ABCG1: variants seen among roughly 807,000 people sequenced by gnomAD.
The protein encoded by ABCG1 is ATP binding cassette subfamily G member 1, also known as ATP-binding cassette sub-family G member 1.
ABCG1 carries 29 observed loss-of-function variants against 69.2 expected under a neutral mutation model. The observed-to-expected ratio is 0.42, with a 90% CI of 0.31 to 0.57. The LOEUF (loss-of-function observed/expected upper bound fraction) is 0.57. Ranked by LOEUF, ABCG1 falls within the 20% of genes least tolerant of loss-of-function variation. The probability of loss-of-function intolerance (pLI) is 0.15; values close to 1 mark genes in which losing one functional copy is unlikely to be tolerated. For missense variants in ABCG1, 718 were observed against 898.1 expected (o/e 0.80, Z 2.56); for synonymous variants, 370 against 374.8 (o/e 0.99, Z 0.15).
chr21:42,250,431 C>A (rs1305800679), intron 2 of ABCG1, among the ~76,000 whole-genome samples: 1 of 152,180 alleles, frequency 6.6e-6, no homozygotes, highest in Non-Finnish European at 1.5e-5. Context: ...GGGCATCCTG[C>A]ATGGAGGGGG....
chr21:42,250,829 G>A (rs1166289392), intron 2 of ABCG1, among the ~76,000 whole-genome samples: 1 of 152,206 alleles, frequency 6.6e-6, no homozygotes, highest in Admixed American at 6.5e-5. Context: ...ATGGAGGCAG[G>A]GTCAGGAGCC....
At chr21:42,280,451 T>C (rs4148129) in intron 5 of ABCG1, among the ~76,000 whole-genome samples, 36,249 of 152,120 alleles carry the variant, frequency 0.24, 4,657 homozygotes, top group African/African-American at 0.32. Context: ...GCTGCCGAGA[T>C]CCTCCCTGGA....
chr21:42,256,317 A>C, intron 2 of ABCG1: 1 of 1,546,020 alleles, frequency 6.5e-7, no homozygotes. Context: ...GAGTCTACAG[A>C]GGGTGGGCCC....
At chr21:42,220,066 G>A in intron 1 of ABCG1, 1 of 1,546,176 alleles carries the variant, frequency 6.5e-7, no homozygotes, top group Non-Finnish European at 8.8e-7. Flanking sequence ...GTTTCCAGGG[G>A]TGGTCAGGAA....
chr21:42,287,866 AC>A lies in ABCG1; in HGVS notation c.974-18del. On this transcript the variant is annotated intron_variant, in intron 8 of 14. Transcript: ENST00000398449. This position sits in a 1 kb window ranked among gnomAD's most constrained non-coding sequence, Gnocchi z 6.2. ...GGTGTCCTTCCTGGAGCCCGGGCTGACCCCCGTCTGTGTCTCCTGCAGTCAT... is the reference window on the plus strand; with the variant it reads ...GGTGTCCTTCCTGGAGCCCGGGCTGACCCCGTCTGTGTCTCCTGCAGTCAT... The A allele has an allele frequency of 6.5e-7, 1 of 1,538,088 alleles. No individual in the cohort carries two copies. The highest frequency in any genetic ancestry group is 8.8e-7 in the Non-Finnish European group (1 of 1,140,296).
intron 2 of ABCG1, among the ~76,000 whole-genome samples, chr21:42,202,742 G>A (rs779957129): frequency 3.3e-5 from 5 of 152,020 alleles, no homozygotes; most frequent in East Asian, 1.9e-4. Context: ...CACCTGAGTC[G>A]TTGAGACTAC....
intron 1 of ABCG1, among the ~76,000 whole-genome samples, chr21:42,220,312 G>A (rs1432254425): frequency 6.6e-6 from 1 of 152,114 alleles, no homozygotes; most frequent in Non-Finnish European, 1.5e-5. Context: ...GGCACGCTCC[G>A]GGGCTCACCC....
Position 42,296,820 on chromosome 21 carries a change from G to A in ABCG1, c.*428G>A, listed in dbSNP as rs993790167. 5.1e-5 allele frequency: 10 copies of A among 196,682 alleles called. No individual in the cohort carries two copies. In the South Asian group the frequency reaches 6.2e-4, roughly 12 times the overall value. The allele number at this position is 196,682 out of a possible 1,614,324, so 12.2% of individuals were successfully genotyped here. The stretch of plus-strand genomic sequence containing the variant: ...TCAGATGTCTGGTGGCAGAGAGTCC[G>A]AGCATGGAGCGATTCCATTTTATGA... On this transcript the variant is annotated 3_prime_UTR_variant, in exon 15 of 15. Coordinates refer to ENST00000398449, the MANE Select transcript of ABCG1 (RefSeq NM_016818.3). The surrounding 1 kb of genome is among the most constrained non-coding windows in gnomAD (Gnocchi z 5.4).
intron 2 of ABCG1, among the ~76,000 whole-genome samples, chr21:42,250,115 A>G (rs1601391863): frequency 1.4e-5 from 2 of 144,404 alleles, no homozygotes; most frequent in East Asian, 2.0e-4. Flanking sequence ...GTGCAGGGGG[A>G]GGGGGCGTTT....
intron 2 of ABCG1, among the ~76,000 whole-genome samples, chr21:42,269,994 G>A (rs557018723): frequency 1.5e-4 from 23 of 151,292 alleles, no homozygotes; most frequent in South Asian, 4.2e-4. Context: ...GGCCGGGCGC[G>A]GTGGCTCACG....
rs1569244902 is a variant in ABCG1, at chr21:42,296,179, G to A, written c.1788G>A (p.Gly596=). 1.2e-6 allele frequency: 2 copies of A among 1,614,012 alleles called. No homozygotes were observed. The highest frequency in any genetic ancestry group is 2.2e-5 in the East Asian group (1 of 44,868). The change falls in exon 15 of 15, where the codon GGG becomes GGA. Residue 596 remains glycine (G), a synonymous_variant. Transcript: ENST00000398449. The surrounding 1 kb of genome is among the most constrained non-coding windows in gnomAD (Gnocchi z 5.4). ...YISYVRYGFE[G]VILSIYGLDR... ...TTCCTCCTAGGTATGGGTTCGAAGG[G>A]GTCATCCTCTCCATCTATGGCTTAG...
At chr21:42,279,507 G>C (rs777427418) in intron 5 of ABCG1, among the ~76,000 whole-genome samples, 1 of 152,208 alleles carries the variant, frequency 6.6e-6, no homozygotes, top group African/African-American at 2.4e-5. Context: ...GCTGTGCCCC[G>C]AGCCGAGCTT....
At chr21:42,207,142 T>C (rs889653825) in intron 2 of ABCG1, among the ~76,000 whole-genome samples, 1 of 152,198 alleles carries the variant, frequency 6.6e-6, no homozygotes, top group Non-Finnish European at 1.5e-5. Context: ...TATCTTTTGG[T>C]AAGTTTGAGA....
intron 13 of ABCG1, among the ~76,000 whole-genome samples, chr21:42,292,210 T>C (rs1048816668): frequency 2.0e-5 from 3 of 152,080 alleles, no homozygotes; most frequent in Admixed American, 6.5e-5. Flanking sequence ...ACAAAAGCAG[T>C]GTTCCTGGGT....
At chr21:42,271,892 CACAA>C (rs2068624720) in intron 3 of ABCG1, among the ~76,000 whole-genome samples, 1 of 152,158 alleles carries the variant, frequency 6.6e-6, no homozygotes, top group African/African-American at 2.4e-5. Flanking sequence ...CTCAAAAACA[CACAA>C]ACAACAACAA....
At chr21:42,216,658 G>A (rs1357368698), upstream of ABCG1, among the ~76,000 whole-genome samples, 1 of 152,182 alleles carries the variant, frequency 6.6e-6, no homozygotes, top group African/African-American at 2.4e-5. Flanking sequence ...ACCAGGGGCT[G>A]AGGACAGAGT....
chr21:42,270,993 G>A (rs1284996644), intron 2 of ABCG1, 77 bp from the exon 3 acceptor site: 7 of 1,031,364 alleles, frequency 6.8e-6, no homozygotes, highest in Non-Finnish European at 9.4e-6. Context: ...CCTTGGTCAT[G>A]TGTACTTGAA....
In ABCG1 at chr21:42,288,423, T is replaced by A. The variant is rs551082106; in HGVS notation, c.1224+111T>A. ...TCTCACATTGCTATAAAGAAATTCA[T>A]GAGGCCAGGCATGGTGACTCATGTC... On this transcript the variant is annotated intron_variant, in intron 10 of 14. Transcript: ENST00000398449. This position sits in a 1 kb window ranked among gnomAD's most constrained non-coding sequence, Gnocchi z 4.8. The A allele has an allele frequency of 1.2e-6, 1 of 814,566 alleles. No individual in the cohort carries two copies. The highest frequency in any genetic ancestry group is 2.0e-6 in the Non-Finnish European group (1 of 507,556). 50.5% of individuals were successfully genotyped at this position (814,566 alleles called of 1,614,324 possible). A position where few individuals can be genotyped will look rare whatever the true frequency, so the allele number is the denominator to read the frequency against.
intron 2 of ABCG1, among the ~76,000 whole-genome samples, chr21:42,201,980 C>A (rs1016055972): frequency 6.6e-6 from 1 of 152,212 alleles, no homozygotes; most frequent in Non-Finnish European, 1.5e-5. Context: ...CTGCCCTTGT[C>A]CCCCAAACCA....
Sources: gnomAD v4.1 joint callset for allele counts (sites outside exome capture counted in the v4.1 genomes callset) on GRCh38, gnomAD v4.1.1 for gene constraint, Gnocchi (gnomAD v3.1) non-coding constraint, MANE v1.5 for transcripts, NCBI Gene and HGNC (gene_info 2026-07-23, HGNC 2026-07-21) for gene names.